The following NELL1 variants were observed in gnomAD, a reference collection of about 807,000 sequenced individuals.
The protein encoded by NELL1 is neural EGFL like 1.
A neutral mutation model predicts 107.4 loss-of-function variants in NELL1; 76 were observed. That is an observed-to-expected ratio of 0.71 (90% CI 0.59 to 0.86). The LOEUF is 0.86. Among genes scored for constraint, NELL1 ranks in the 40% least tolerant of loss-of-function variants. NELL1 has a pLI of 0.00. For missense variants in NELL1, 1,024 were observed against 1,005.5 expected, an observed-to-expected ratio of 1.02 and a Z score of -0.25; for synonymous variants, 353 against 341.2, an observed-to-expected ratio of 1.03 and a Z score of -0.38.
chr11:21,545,081 T>C (rs1431569858), intron 16 of NELL1, among the ~76,000 whole-genome samples: 1 of 152,068 alleles, frequency 6.6e-6, no homozygotes, highest in African/African-American at 2.4e-5. Context: ...AGTGACGTTC[T>C]AGTGGTTTAT....
chr11:21,513,260 CTGAG>C (rs1424464989), intron 15 of NELL1, among the ~76,000 whole-genome samples: 1 of 152,098 alleles, frequency 6.6e-6, no homozygotes, highest in East Asian at 1.9e-4. Context: ...GAAATAATAC[CTGAG>C]TAAGGGGAAG....
At chr11:20,713,165 T>A (rs1855154657) in intron 2 of NELL1, among the ~76,000 whole-genome samples, 1 of 152,164 alleles carries the variant, frequency 6.6e-6, no homozygotes, top group African/African-American at 2.4e-5. Context: ...AAGCTTGCCC[T>A]AAGTTGACCA....
At chr11:21,204,716 CT>C (rs202239443) in intron 13 of NELL1, among the ~76,000 whole-genome samples, 1,574 of 152,042 alleles carry the variant, frequency 0.01, 29 homozygotes, top group African/African-American at 0.035. Flanking sequence ...AATTTTCAGT[CT>C]TTTTACGCTG....
At chr11:21,277,775 C>T (rs1848901236) in intron 14 of NELL1, among the ~76,000 whole-genome samples, 1 of 152,168 alleles carries the variant, frequency 6.6e-6, no homozygotes, top group Admixed American at 6.5e-5. Flanking sequence ...TGGAAACCAT[C>T]ATCCTCAGCA....
At chr11:21,462,618 A>G (rs1853926531) in intron 15 of NELL1, among the ~76,000 whole-genome samples, 1 of 151,782 alleles carries the variant, frequency 6.6e-6, no homozygotes, top group South Asian at 2.1e-4. Context: ...CCATCACCCC[A>G]TTTTTTCTCC....
intron 12 of NELL1, among the ~76,000 whole-genome samples, chr11:21,074,391 T>G (rs1854085682): frequency 6.6e-6 from 1 of 152,206 alleles, no homozygotes; most frequent in Non-Finnish European, 1.5e-5. Context: ...TTAAAACATT[T>G]TTTTAACAGT....
At chr11:21,083,023 C>G (rs537902971) in intron 12 of NELL1, among the ~76,000 whole-genome samples, 1 of 152,154 alleles carries the variant, frequency 6.6e-6, no homozygotes, top group African/African-American at 2.4e-5. Context: ...CTAGAGCCTG[C>G]GGCTTGAATA....
Position 21,338,741 on chromosome 11 carries a change from G to A in NELL1, c.1550-32112G>A, listed in dbSNP as rs1850493189. On this transcript the variant is annotated intron_variant, in intron 14 of 19. Coordinates refer to ENST00000357134, the MANE Select transcript of NELL1 (RefSeq NM_006157.5). ...TCTGAAGGGAGCTATCCCTGCAGCA[G>A]GACTTGGAAAGGCTCATAAAACTTG... 2.0e-5 allele frequency among the ~76,000 whole-genome samples: 3 copies of A among 152,046 alleles called. No individual in the cohort carries two copies. In the South Asian group the frequency reaches 6.2e-4, roughly 32 times the overall value.
chr11:21,536,847 A>C (rs374760108), intron 16 of NELL1, among the ~76,000 whole-genome samples: 97 of 152,288 alleles, frequency 6.4e-4, no homozygotes, highest in Middle Eastern at 3.4e-3. Context: ...TGTTACCTGT[A>C]GAGCCCTATC....
chr11:21,104,972 C>T (rs943446198), intron 12 of NELL1, among the ~76,000 whole-genome samples: 2 of 152,116 alleles, frequency 1.3e-5, no homozygotes, highest in African/African-American at 2.4e-5. Context: ...AGGCCTCACC[C>T]TCATGACCTC....
At chr11:21,397,495 G>A (rs567967340) in intron 15 of NELL1, among the ~76,000 whole-genome samples, 28 of 151,424 alleles carry the variant, frequency 1.8e-4, no homozygotes, top group South Asian at 2.1e-4. Context: ...TAGTATTTCC[G>A]TGTACGTACA....
chr11:20,887,775 G>A (rs1186018662), intron 5 of NELL1, among the ~76,000 whole-genome samples: 1 of 152,078 alleles, frequency 6.6e-6, no homozygotes, highest in East Asian at 1.9e-4. Flanking sequence ...AGGTACCTTG[G>A]GAGTCCTGAT....
intron 13 of NELL1, among the ~76,000 whole-genome samples, chr11:21,196,788 T>G (rs1209006103): frequency 2.6e-5 from 4 of 152,186 alleles, no homozygotes; most frequent in Admixed American, 2.6e-4. Flanking sequence ...TTTCTGGACT[T>G]AGAATAGCAC....
chr11:20,937,472 G>A (rs545364995), intron 9 of NELL1, among the ~76,000 whole-genome samples: 216 of 152,324 alleles, frequency 1.4e-3, no homozygotes, highest in African/African-American at 5.0e-3. Context: ...ACTCCACAGC[G>A]ATTGCCACCA....
intron 12 of NELL1, among the ~76,000 whole-genome samples, chr11:20,994,611 A>G (rs1454990981): frequency 6.6e-6 from 1 of 152,204 alleles, no homozygotes; most frequent in Non-Finnish European, 1.5e-5. Flanking sequence ...TGTAAATTAC[A>G]TATGTCCCCA....
chr11:20,919,411 T>A, intron 7 of NELL1, 77 bp downstream of exon 7: 4 of 901,434 alleles, frequency 4.4e-6, no homozygotes, highest in Non-Finnish European at 5.3e-6. Context: ...TATGTTATAA[T>A]GGAAACATTT....
At chr11:21,473,653 T>C (rs1003223659) in intron 15 of NELL1, among the ~76,000 whole-genome samples, 1 of 152,040 alleles carries the variant, frequency 6.6e-6, no homozygotes, top group Admixed American at 6.6e-5. Flanking sequence ...GAAATGTTAC[T>C]GGGCACAATA....
chr11:21,175,129 A>G (rs1201802132), intron 13 of NELL1, among the ~76,000 whole-genome samples: 3 of 151,768 alleles, frequency 2.0e-5, no homozygotes, highest in Non-Finnish European at 4.4e-5. Context: ...GTAGCAGCGT[A>G]ATTCTGACCT....
intron 12 of NELL1, among the ~76,000 whole-genome samples, chr11:20,986,922 T>C (rs963373159): frequency 2.5e-4 from 38 of 152,218 alleles, no homozygotes; most frequent in African/African-American, 9.2e-4. Flanking sequence ...GCATTTTCTA[T>C]GTAAATAAAT....
Sources: allele counts gnomAD v4.1 joint callset (sites outside exome capture counted in the v4.1 genomes callset), GRCh38; gene constraint gnomAD v4.1.1; transcripts MANE v1.5; gene names NCBI Gene and HGNC (gene_info 2026-07-23, HGNC 2026-07-21).